The following SNTB1 variants were observed in gnomAD, a reference collection of about 807,000 sequenced individuals.
SNTB1 encodes beta-1-syntrophin.
SNTB1 carries 36 observed loss-of-function variants against 48.9 expected under a neutral mutation model. The observed-to-expected ratio is 0.74, with a 90% CI of 0.56 to 0.97. The LOEUF is 0.97. Among genes scored for constraint, SNTB1 ranks in the 50% least tolerant of loss-of-function variants. The pLI, the probability that SNTB1 is intolerant of heterozygous loss-of-function variation, is 0.00. For missense variants in SNTB1, 786 were observed against 703.4 expected, an observed-to-expected ratio of 1.12 and a Z score of -1.33; for synonymous variants, 299 against 294.6, an observed-to-expected ratio of 1.01 and a Z score of -0.15.
intron 3 of SNTB1, among the ~76,000 whole-genome samples, chr8:120,610,387 G>C (rs541109092): frequency 6.6e-6 from 1 of 152,306 alleles, no homozygotes; most frequent in African/African-American, 2.4e-5. Context: ...TCCCGCCTCA[G>C]CCTCCCAAAG....
chr8:120,686,728 C>T (rs1398761084), intron 2 of SNTB1, among the ~76,000 whole-genome samples: 1 of 152,180 alleles, frequency 6.6e-6, no homozygotes, highest in Non-Finnish European at 1.5e-5. Context: ...AGAATAACTG[C>T]AACTCTAGAG....
intron 3 of SNTB1, among the ~76,000 whole-genome samples, chr8:120,576,407 C>T (rs942206481): frequency 6.6e-6 from 1 of 152,122 alleles, no homozygotes; most frequent in Non-Finnish European, 1.5e-5. Context: ...CAGTGGAATC[C>T]GTATAGAGAT....
At chr8:120,541,495 G>A (rs73317296) in intron 6 of SNTB1, among the ~76,000 whole-genome samples, 1 of 152,124 alleles carries the variant, frequency 6.6e-6, no homozygotes, top group African/African-American at 2.4e-5. Context: ...TATATGAGAC[G>A]CTTGATACTT....
chr8:120,740,902 G>GGTTA (rs1488499126), intron 1 of SNTB1, among the ~76,000 whole-genome samples: 2 of 152,160 alleles, frequency 1.3e-5, no homozygotes, highest in East Asian at 3.9e-4. Flanking sequence ...ACTAGGAAGT[G>GGTTA]GTTACAATGA....
intron 3 of SNTB1, among the ~76,000 whole-genome samples, chr8:120,603,370 G>C (rs1816456588): frequency 6.6e-6 from 1 of 152,084 alleles, no homozygotes; most frequent in Admixed American, 6.6e-5. Context: ...CAAAGTGCTG[G>C]GATTACAGGC....
intron 1 of SNTB1, among the ~76,000 whole-genome samples, chr8:120,737,004 A>G (rs1462751418): frequency 6.6e-6 from 1 of 152,164 alleles, no homozygotes; most frequent in Non-Finnish European, 1.5e-5. Context: ...CTAAATATCA[A>G]ATGGTTTGAC....
intron 4 of SNTB1, among the ~76,000 whole-genome samples, chr8:120,565,268 A>G (rs971792053): frequency 2.7e-4 from 41 of 152,206 alleles, no homozygotes; most frequent in Non-Finnish European, 1.0e-4. Flanking sequence ...AGAAAATACT[A>G]AATTTATTTA....
At chr8:120,635,358 T>A (rs1341719404) in intron 2 of SNTB1, among the ~76,000 whole-genome samples, 2 of 152,222 alleles carry the variant, frequency 1.3e-5, no homozygotes, top group South Asian at 2.1e-4. Flanking sequence ...GAAAACTTTA[T>A]TTTTAATTGA....
intron 3 of SNTB1, among the ~76,000 whole-genome samples, chr8:120,594,249 T>C (rs1245130368): frequency 1.3e-5 from 2 of 151,786 alleles, no homozygotes; most frequent in Non-Finnish European, 2.9e-5. Flanking sequence ...TATGTATGTA[T>C]GTTTTGAGAC....
At chr8:120,692,864 TA>T (rs1818151755) in intron 2 of SNTB1, among the ~76,000 whole-genome samples, 1 of 152,204 alleles carries the variant, frequency 6.6e-6, no homozygotes, top group Admixed American at 6.5e-5. Context: ...GGTTTTCCTG[TA>T]CTGAGCACCT....
chr8:120,800,521 A>G (rs1166123687), intron 1 of SNTB1, among the ~76,000 whole-genome samples: 1 of 152,042 alleles, frequency 6.6e-6, no homozygotes, highest in East Asian at 1.9e-4. Context: ...ATCCAGGAAA[A>G]CAGACCCAGG....
intron 4 of SNTB1, among the ~76,000 whole-genome samples, chr8:120,566,663 T>C (rs534187196): frequency 6.6e-6 from 1 of 152,278 alleles, no homozygotes; most frequent in South Asian, 2.1e-4. Flanking sequence ...GTAGCCTGTG[T>C]CAGAAACACC....
chr8:120,790,729 A>G (rs1360115717), intron 1 of SNTB1, among the ~76,000 whole-genome samples: 1 of 152,060 alleles, frequency 6.6e-6, no homozygotes, highest in Non-Finnish European at 1.5e-5. Flanking sequence ...CACTACAGAA[A>G]GAAATCATAG....
intron 4 of SNTB1, among the ~76,000 whole-genome samples, chr8:120,554,244 AGT>A (rs1424697204): frequency 6.6e-6 from 1 of 152,058 alleles, no homozygotes; most frequent in African/African-American, 2.4e-5. Context: ...TCCTGGGGTA[AGT>A]GTGAATGTGG....
intron 2 of SNTB1, 53 bp from the exon 3 acceptor site, chr8:120,632,704 G>T: frequency 6.8e-7 from 1 of 1,473,672 alleles, no homozygotes; most frequent in Non-Finnish European, 9.5e-7. Context: ...GTCCTGCTTC[G>T]TCAAGATCTG....
chr8:120,798,934 T>C (rs928281027), intron 1 of SNTB1, among the ~76,000 whole-genome samples: 3 of 152,068 alleles, frequency 2.0e-5, no homozygotes, highest in African/African-American at 7.2e-5. Flanking sequence ...TGCAGGTTGC[T>C]TACAGAAAAT....
intron 1 of SNTB1, among the ~76,000 whole-genome samples, chr8:120,797,313 A>G (rs538665329): frequency 6.3e-4 from 96 of 152,140 alleles, no homozygotes; most frequent in African/African-American, 2.1e-3. Flanking sequence ...AAAATTGTGA[A>G]GTGTTTATAA....
At chr8:120,650,312 C>A (rs1005760529) in intron 2 of SNTB1, among the ~76,000 whole-genome samples, 4 of 152,146 alleles carry the variant, frequency 2.6e-5, no homozygotes, top group African/African-American at 9.7e-5. Flanking sequence ...TCACTGACAA[C>A]ACGTGAGAGC....
intron 2 of SNTB1, among the ~76,000 whole-genome samples, chr8:120,633,985 G>C (rs186661827): frequency 2.0e-4 from 31 of 152,122 alleles, no homozygotes; most frequent in African/African-American, 7.5e-4. Context: ...TCACAATGCA[G>C]AACTACTCCA....
Sources: gnomAD v4.1 joint callset for allele counts (sites outside exome capture counted in the v4.1 genomes callset) on GRCh38, gnomAD v4.1.1 for gene constraint, MANE v1.5 for transcripts, NCBI Gene and HGNC (gene_info 2026-07-23, HGNC 2026-07-21) for gene names.